The following MAPK10 variants were observed in gnomAD, a reference collection of about 807,000 sequenced individuals.
MAPK10 encodes JNK3 alpha protein kinase.
MAPK10 carries 25 observed loss-of-function variants against 59.3 expected under a neutral mutation model. That is an observed-to-expected ratio of 0.42 (90% CI 0.31 to 0.59). MAPK10 has a LOEUF of 0.59. MAPK10 is among the 20% of genes least tolerant of loss of function. The pLI is 0.15. For missense variants in MAPK10, 351 were observed against 568.9 expected, an observed-to-expected ratio of 0.62 and a Z score of 3.90; for synonymous variants, 190 against 200.5, an observed-to-expected ratio of 0.95 and a Z score of 0.44.
intron 2 of MAPK10, chr4:86,332,790 A>ATTT (rs2096185186): frequency 1.3e-5 from 2 of 152,222 alleles, no homozygotes; most frequent in Non-Finnish European, 2.9e-5. Flanking sequence ...GCCCTGGGTG[A>ATTT]AAGCACTCCA....
intron 2 of MAPK10, among the ~76,000 whole-genome samples, chr4:86,207,492 T>C (rs1304274034): frequency 3.3e-5 from 5 of 152,052 alleles, no homozygotes; most frequent in Non-Finnish European, 7.4e-5. Flanking sequence ...ATGCCTCCCG[T>C]TTTGTTCTTT....
At chr4:86,145,916 C>T (rs2064886179) in intron 4 of MAPK10, among the ~76,000 whole-genome samples, 1 of 152,102 alleles carries the variant, frequency 6.6e-6, no homozygotes, top group African/African-American at 2.4e-5. Flanking sequence ...GCTATTAACA[C>T]CCAAGAGCTC....
At chr4:86,340,527 G>C (rs771724952) in intron 2 of MAPK10, 1 of 152,010 alleles carries the variant, frequency 6.6e-6, no homozygotes, top group South Asian at 2.1e-4. Flanking sequence ...AACAGGATGC[G>C]GGAAATCCAC....
At chr4:86,335,153 T>C (rs559981937) in intron 2 of MAPK10, 2 of 152,310 alleles carry the variant, frequency 1.3e-5, no homozygotes, top group African/African-American at 2.4e-5. Flanking sequence ...TTCATCTCCA[T>C]AGCCTGAACG....
intron 11 of MAPK10, among the ~76,000 whole-genome samples, chr4:86,038,521 A>G (rs188491565): frequency 1.3e-5 from 2 of 151,654 alleles, no homozygotes; most frequent in East Asian, 3.9e-4. Flanking sequence ...TTGATTTTAT[A>G]TTTCCTTGAA....
At chr4:86,104,363 A>C (rs939682600) in intron 5 of MAPK10, among the ~76,000 whole-genome samples, 1 of 152,144 alleles carries the variant, frequency 6.6e-6, no homozygotes, top group African/African-American at 2.4e-5. Flanking sequence ...GCAACCTTGC[A>C]GTGTGGAATA....
At chr4:86,418,059 G>A (rs907267047) in intron 1 of MAPK10, among the ~76,000 whole-genome samples, 7 of 152,084 alleles carry the variant, frequency 4.6e-5, no homozygotes, top group Admixed American at 2.0e-4. Flanking sequence ...CAGCACCTGC[G>A]TCTGCTACAA....
At chr4:86,394,842 G>A (rs189081188) in intron 1 of MAPK10, among the ~76,000 whole-genome samples, 1 of 152,324 alleles carries the variant, frequency 6.6e-6, no homozygotes, top group Non-Finnish European at 1.5e-5. Flanking sequence ...TATGCTCGGG[G>A]ATAATGGATG....
chr4:86,213,915 A>T (rs2148613968), intron 2 of MAPK10, among the ~76,000 whole-genome samples: 1 of 152,196 alleles, frequency 6.6e-6, no homozygotes, highest in South Asian at 2.1e-4. Flanking sequence ...AAGATATTAC[A>T]AGAAAATAAA....
chr4:86,560,510 C>T (rs978555970), intron 1 of MAPK10, among the ~76,000 whole-genome samples: 1 of 152,142 alleles, frequency 6.6e-6, no homozygotes, highest in Non-Finnish European at 1.5e-5. Flanking sequence ...TCACATACTC[C>T]CAAATATTTA....
chr4:86,370,117 C>G (rs1473091511), intron 1 of MAPK10, among the ~76,000 whole-genome samples: 1 of 152,150 alleles, frequency 6.6e-6, no homozygotes, highest in African/African-American at 2.4e-5. Context: ...GGCCCAGAAG[C>G]ATTAATTTTC....
intron 11 of MAPK10, among the ~76,000 whole-genome samples, chr4:86,052,041 C>T (rs2043644818): frequency 6.6e-6 from 1 of 151,778 alleles, no homozygotes; most frequent in South Asian, 2.1e-4. Context: ...AAAAAAAATA[C>T]CATTTTAAAA....
Position 86,252,299 on chromosome 4 carries a change from G to C in MAPK10, c.-6-57892C>G, listed in dbSNP as rs767567907. Among the ~76,000 whole-genome samples, 388 of 123,658 alleles carry C rather than the reference G, an allele frequency of 3.1e-3. 21 individuals are homozygous for C. The highest frequency in any genetic ancestry group is 4.5e-3 in the Non-Finnish European group (285 of 63,474). 81.1% of individuals were successfully genotyped at this position (123,658 alleles called of 152,430 possible). ...TTGGTTTTCTTCTAGGGTTTTTATG[G>C]TTTTAGGTCTAACGTTTAAATCTTT... On this transcript the variant is annotated intron_variant, in intron 2 of 13. Transcript: ENST00000641462.
At chr4:86,406,045 A>T (rs1744321431) in intron 1 of MAPK10, among the ~76,000 whole-genome samples, 2 of 152,190 alleles carry the variant, frequency 1.3e-5, no homozygotes, top group African/African-American at 4.8e-5. Flanking sequence ...TAAGACTATC[A>T]CGTAAGAGGA....
chr4:86,532,265 G>A (rs551989053), intron 1 of MAPK10, among the ~76,000 whole-genome samples: 1 of 152,168 alleles, frequency 6.6e-6, no homozygotes, highest in African/African-American at 2.4e-5. Context: ...CCTTCAGGTA[G>A]TTTATATTCT....
intron 1 of MAPK10, among the ~76,000 whole-genome samples, chr4:86,524,738 T>G (rs1290967148): frequency 6.6e-6 from 1 of 152,098 alleles, no homozygotes; most frequent in Admixed American, 6.5e-5. Flanking sequence ...TTTTTTAAGT[T>G]GTTGTTGTTG....
At chr4:86,323,027 T>C (rs930512556) in intron 2 of MAPK10, among the ~76,000 whole-genome samples, 47 of 151,924 alleles carry the variant, frequency 3.1e-4, no homozygotes, top group African/African-American at 1.1e-3. Context: ...ATACAAAAAT[T>C]AACTGGGTGT....
At chr4:86,345,763 T>C (rs1267701793) in intron 2 of MAPK10, among the ~76,000 whole-genome samples, 1 of 152,244 alleles carries the variant, frequency 6.6e-6, no homozygotes, top group Non-Finnish European at 1.5e-5. Flanking sequence ...TAGACAATTC[T>C]TGATTCCCTC....
chr4:86,543,568 T>C (rs1758899646), intron 1 of MAPK10, among the ~76,000 whole-genome samples: 1 of 152,200 alleles, frequency 6.6e-6, no homozygotes, highest in African/African-American at 2.4e-5. Context: ...TATCTTTATT[T>C]CTAACCTAAG....
Sources: allele counts gnomAD v4.1 joint callset (sites outside exome capture counted in the v4.1 genomes callset), GRCh38; gene constraint gnomAD v4.1.1; transcripts MANE v1.5; gene names NCBI Gene and HGNC (gene_info 2026-07-23, HGNC 2026-07-21).